Variants in FUCA1 observed in about 807,000 individuals in gnomAD.
FUCA1 encodes alpha-L-fucosidase 1.
A neutral mutation model predicts 56.8 loss-of-function variants in FUCA1; 52 were observed. The observed-to-expected ratio is 0.92, with a 90% CI of 0.73 to 1.15. The LOEUF is 1.15. FUCA1 is among the 50% of genes most tolerant of loss of function. The pLI is 0.00. For missense variants in FUCA1, 568 were observed against 592.6 expected (o/e 0.96, Z 0.43); for synonymous variants, 230 against 226.6 (o/e 1.02, Z -0.14).
At chr1:23,853,558 A>T (rs1035983353) in intron 5 of FUCA1, among the ~76,000 whole-genome samples, 10 of 151,910 alleles carry the variant, frequency 6.6e-5, no homozygotes, top group Non-Finnish European at 1.0e-4. Context: ...CCCGTCTGGG[A>T]GGTGTACCGA....
In FUCA1 at chr1:23,851,289, G is replaced by A. The variant is rs570433616; in HGVS notation, c.970-2450C>T. Among the ~76,000 whole-genome samples the A allele has an allele frequency of 1.3e-4, 20 of 152,030 alleles. No individual in the cohort carries two copies. In the East Asian group the frequency reaches 3.5e-3, roughly 26 times the overall value. On this transcript the variant is annotated intron_variant, in intron 5 of 7. Coordinates refer to ENST00000374479, the MANE Select transcript of FUCA1 (RefSeq NM_000147.5). ...TGAGGCAGGAGAATTGCTTGAACCC[G>A]GGAGACGGCGGTTGCAGCAGACCGA...
chr1:23,865,471 A>G lies in FUCA1; in HGVS notation c.524+20T>C. 1 of 1,614,078 alleles carries G rather than the reference A, an allele frequency of 6.2e-7. No individual in the cohort carries two copies. The highest frequency in any genetic ancestry group is 8.5e-7 in the Non-Finnish European group (1 of 1,179,928). ...GCCAGATCCAAAGAGATAACAGAGT[A>G]ACCATCCCTGGACACTCACCTCTTC... is the stretch of plus-strand genomic sequence containing the variant. On this transcript the variant is annotated intron_variant, in intron 2 of 7. Coordinates refer to ENST00000374479, the MANE Select transcript of FUCA1 (RefSeq NM_000147.5).
rs908338760 is a variant in FUCA1 at position 23,845,128 on chromosome 1, TA to T, written c.*586del. On this transcript the variant is annotated 3_prime_UTR_variant, in exon 8 of 8. Coordinates refer to ENST00000374479, the MANE Select transcript of FUCA1 (RefSeq NM_000147.5). ...TACAAATTTTTTATTTGATCATACT[TA>T]AAAAGACAGAGCAGAATCACATTCA... 6.3e-6 allele frequency: 1 copy of T among 157,600 alleles called. No homozygotes were observed. The highest frequency in any genetic ancestry group is 2.4e-5 in the African/African-American group (1 of 41,460). The allele number at this position is 157,600 out of a possible 1,614,324, so 9.8% of individuals were successfully genotyped here.
intron 5 of FUCA1, among the ~76,000 whole-genome samples, chr1:23,853,910 A>G (rs901675148): frequency 1.5e-4 from 23 of 150,782 alleles, no homozygotes; most frequent in African/African-American, 5.6e-4. Context: ...TCAAGTACCC[A>G]GGGACACAAA....
intron 2 of FUCA1, among the ~76,000 whole-genome samples, chr1:23,864,201 C>T (rs533632422): frequency 1.4e-4 from 21 of 151,606 alleles, no homozygotes; most frequent in African/African-American, 4.1e-4. Flanking sequence ...ATTCTCCTAC[C>T]TCAGCCTCCC....
chr1:23,863,023 T>G, intron 3 of FUCA1, 111 bp downstream of exon 3: 1 of 1,105,792 alleles, frequency 9.0e-7, no homozygotes, highest in Non-Finnish European at 1.4e-6. Flanking sequence ...ATTATTTTGA[T>G]GTCTTTTAGG....
rs1272423983 is a variant in FUCA1 at position 23,868,146 on chromosome 1, C to T, written c.141G>A (p.Arg47=). The change falls in exon 1 of 8, where the codon CGG becomes CGA. Residue 47 remains arginine (R), a synonymous_variant. Transcript: ENST00000374479. ...CTTCGTCGAACCAGGCCGGCAGCGG[C>T]CGAGAATCCAGGCTCGGCCAGTCTG... ...YTPDWPSLDS[R]PLPAWFDEAK... 7 of 1,610,750 alleles carry T rather than the reference C, an allele frequency of 4.3e-6. No individual in the cohort carries two copies. Among genetic ancestry groups the T allele is most frequent in the Non-Finnish European group, 5.9e-6 (7 of 1,179,316 alleles).
chr1:23,848,759 G>T lies in FUCA1; in HGVS notation c.1050C>A (p.Ile350=). 1 of 1,614,120 alleles carries T rather than the reference G, an allele frequency of 6.2e-7. No homozygotes were observed. The highest frequency in any genetic ancestry group is 1.1e-5 in the South Asian group (1 of 91,074). ...GPTKDGLIVP[I]FQERLLAVGK... is the part of the protein sequence containing the mutation. The stretch of plus-strand genomic sequence containing the variant: ...CAACAGCAAGAAGCCTTTCTTGGAA[G>T]ATGGGAACAATCAGTCCATCTTTAG... The change falls in exon 6 of 8, where the codon ATC becomes ATA. Residue 350 remains isoleucine (I), a synonymous_variant. Transcript: ENST00000374479.
chr1:23,853,567 G>C (rs866181952), intron 5 of FUCA1, among the ~76,000 whole-genome samples: 5 of 150,420 alleles, frequency 3.3e-5, no homozygotes, highest in Admixed American at 6.6e-5. Flanking sequence ...GAGGTGTACC[G>C]AACAGCTCAT....
chr1:23,853,701 T>C (rs1052121577), intron 5 of FUCA1, among the ~76,000 whole-genome samples: 8 of 150,578 alleles, frequency 5.3e-5, no homozygotes, highest in African/African-American at 2.0e-4. Context: ...GGGAGACTTT[T>C]CATTTTGTTC....
chr1:23,852,463 CCCCTCTCCCTCTCCCCACGGTCT>C lies in FUCA1; in HGVS notation c.969+1874_969+1896del, dbSNP rs1346727668. On this transcript the variant is annotated intron_variant, in intron 5 of 7. Transcript: ENST00000374479. ...AACTCCCCTCTCCCTCTCCCTCTCCCCCCTCTCCCTCTCCCCACGGTCTCCCTCTCCCTCTCTTTCCACGGTCT... is the reference window on the plus strand; with the variant it reads ...AACTCCCCTCTCCCTCTCCCTCTCCCCCCTCTCCCTCTCTTTCCACGGTCT... 1.3e-4 allele frequency among the ~76,000 whole-genome samples: 19 copies of C among 145,252 alleles called. 2 individuals carry two copies. The highest frequency in any genetic ancestry group is 5.1e-4 in the African/African-American group (19 of 37,380).
intron 4 of FUCA1, among the ~76,000 whole-genome samples, chr1:23,855,255 T>C (rs1639368226): frequency 6.6e-6 from 1 of 152,206 alleles, no homozygotes; most frequent in Admixed American, 6.5e-5. Context: ...TGAAACCATT[T>C]GGGAGGCCAA....
intron 4 of FUCA1, among the ~76,000 whole-genome samples, chr1:23,856,444 C>T (rs955101662): frequency 6.6e-6 from 1 of 152,228 alleles, no homozygotes; most frequent in Non-Finnish European, 1.5e-5. Flanking sequence ...CATACTTCTA[C>T]TATCATACTG....
At chr1:23,857,380 G>A (rs1192814415) in intron 4 of FUCA1, among the ~76,000 whole-genome samples, 1 of 152,170 alleles carries the variant, frequency 6.6e-6, no homozygotes, top group African/African-American at 2.4e-5. Flanking sequence ...CGATCCAGCA[G>A]AGACTAGCAG....
intron 3 of FUCA1, among the ~76,000 whole-genome samples, chr1:23,862,677 A>T (rs780470286): frequency 6.6e-6 from 1 of 152,240 alleles, no homozygotes; most frequent in Non-Finnish European, 1.5e-5. Flanking sequence ...GCACCGTGAC[A>T]GATACATTTC....
intron 4 of FUCA1, among the ~76,000 whole-genome samples, chr1:23,857,341 G>C (rs1037771301): frequency 6.6e-6 from 1 of 152,100 alleles, no homozygotes; most frequent in Non-Finnish European, 1.5e-5. Flanking sequence ...GAGTTTCCAA[G>C]GTGAATAAAA....
intron 3 of FUCA1, among the ~76,000 whole-genome samples, chr1:23,860,976 G>A (rs896069612): frequency 2.6e-5 from 4 of 151,664 alleles, no homozygotes; most frequent in African/African-American, 9.7e-5. Flanking sequence ...AAATGGAGGT[G>A]TAATCAGCAT....
At position 23,845,617 on chromosome 1, in the gene FUCA1, G is replaced by T; in HGVS notation, c.*98C>A. 2.1e-6 allele frequency: 3 copies of T among 1,428,600 alleles called. No homozygotes were observed. Among genetic ancestry groups the T allele is most frequent in the South Asian group, 2.3e-5 (2 of 86,808 alleles). The allele number at this position is 1,428,600 out of a possible 1,614,324, so 88.5% of individuals were successfully genotyped here. On this transcript the variant is annotated 3_prime_UTR_variant, in exon 8 of 8. Transcript: ENST00000374479. ...GTGTTGGAAAAGCCATCTCTGGGTG[G>T]AGAAGAGAAGTTCGTTGATTATAGT...
chr1:23,847,697 G>C lies in FUCA1; in HGVS notation c.1160+952C>G, dbSNP rs146058656. ...CTTGAACTTCCCAGCCTCCAGAACT[G>C]TGAGCTAAATAAACCTCTATTCTTT... is the stretch of plus-strand genomic sequence containing the variant. On this transcript the variant is annotated intron_variant, in intron 6 of 7. Coordinates refer to ENST00000374479, the MANE Select transcript of FUCA1 (RefSeq NM_000147.5). Among the ~76,000 whole-genome samples, 72 of 152,210 alleles carry C rather than the reference G, an allele frequency of 4.7e-4. No homozygotes were observed. In the East Asian group the frequency reaches 0.013, roughly 28 times the overall value.
Sources: allele counts gnomAD v4.1 joint callset (sites outside exome capture counted in the v4.1 genomes callset), GRCh38; gene constraint gnomAD v4.1.1; transcripts MANE v1.5; gene names NCBI Gene and HGNC (gene_info 2026-07-23, HGNC 2026-07-21).